Variants in TIAM1 observed in about 807,000 individuals in gnomAD.
TIAM1 encodes the protein TIAM Rac1 associated GEF 1.
TIAM1 carries 65 observed loss-of-function variants against 163.5 expected under a neutral mutation model. The ratio of observed to expected loss-of-function variants is 0.40; its 90% confidence interval spans 0.33 to 0.49. The LOEUF (loss-of-function observed/expected upper bound fraction) is 0.49. Among genes scored for constraint, TIAM1 ranks in the 20% least tolerant of loss-of-function variants. The pLI is 0.77. For missense variants in TIAM1, 1,789 were observed against 2,044.7 expected (o/e 0.87, Z 2.41); for synonymous variants, 833 against 810.1 (o/e 1.03, Z -0.48).
chr21:31,342,883 C>T (rs2076062318), intron 1 of TIAM1, among the ~76,000 whole-genome samples: 2 of 152,198 alleles, frequency 1.3e-5, no homozygotes, highest in Non-Finnish European at 2.9e-5. Context: ...GCTAAGCAAA[C>T]TGCGGCCCCA....
At chr21:31,132,693 G>A (rs564705994) in intron 23 of TIAM1, among the ~76,000 whole-genome samples, 9 of 152,160 alleles carry the variant, frequency 5.9e-5, no homozygotes, top group Non-Finnish European at 1.0e-4. Context: ...GCCTGGCACC[G>A]GGACCTCAGC....
intron 2 of TIAM1, among the ~76,000 whole-genome samples, chr21:31,421,310 G>A (rs966392196): frequency 2.0e-5 from 3 of 152,110 alleles, no homozygotes; most frequent in Non-Finnish European, 4.4e-5. Context: ...AGATTGCTAG[G>A]AGCCACCAGA....
chr21:31,249,371 G>A (rs551567190), intron 5 of TIAM1, among the ~76,000 whole-genome samples: 1 of 152,262 alleles, frequency 6.6e-6, no homozygotes, highest in East Asian at 1.9e-4. Context: ...CCAGGACTGT[G>A]AGATGATACA....
intron 23 of TIAM1, among the ~76,000 whole-genome samples, chr21:31,134,722 G>A (rs982881986): frequency 2.0e-5 from 3 of 152,112 alleles, no homozygotes; most frequent in Admixed American, 6.5e-5. Context: ...TATTAGCCAG[G>A]CTAGTCTTGA....
intron 14 of TIAM1, among the ~76,000 whole-genome samples, chr21:31,185,451 GATT>G (rs1337439163): frequency 2.9e-5 from 4 of 137,916 alleles, no homozygotes; most frequent in African/African-American, 7.9e-5. Flanking sequence ...TTATATTAAC[GATT>G]ATTATATAAT....
chr21:31,275,177 A>G (rs995114728), intron 3 of TIAM1, among the ~76,000 whole-genome samples: 3 of 152,104 alleles, frequency 2.0e-5, no homozygotes, highest in Admixed American at 6.6e-5. Flanking sequence ...ATGCATATAC[A>G]CATGATAAAT....
intron 2 of TIAM1, among the ~76,000 whole-genome samples, chr21:31,420,387 C>A (rs2043524334): frequency 6.6e-6 from 1 of 152,192 alleles, no homozygotes; most frequent in South Asian, 2.1e-4. Flanking sequence ...ACACAAGCTC[C>A]ACAGAAATTC....
intron 13 of TIAM1, among the ~76,000 whole-genome samples, chr21:31,191,065 A>T (rs557833309): frequency 6.6e-6 from 1 of 152,340 alleles, no homozygotes; most frequent in East Asian, 1.9e-4. Context: ...CACCTCTTCA[A>T]TCAATACGCT....
intron 2 of TIAM1, among the ~76,000 whole-genome samples, chr21:31,462,679 A>G (rs911569315): frequency 7.9e-5 from 12 of 151,776 alleles, no homozygotes; most frequent in Admixed American, 4.6e-4. Flanking sequence ...TGAACTGCAT[A>G]TCCACTGGAG....
intron 2 of TIAM1, among the ~76,000 whole-genome samples, chr21:31,291,484 C>T (rs2074017466): frequency 6.6e-6 from 1 of 152,156 alleles, no homozygotes; most frequent in South Asian, 2.1e-4. Context: ...CCAAAATACA[C>T]ACCCTTCCCT....
chr21:31,161,453 T>A (rs1258410617), intron 16 of TIAM1, among the ~76,000 whole-genome samples: 1 of 152,162 alleles, frequency 6.6e-6, no homozygotes, highest in Non-Finnish European at 1.5e-5. Flanking sequence ...GACATTCCCC[T>A]GCCCCTCCCC....
At chr21:31,317,626 G>A (rs564633245) in intron 2 of TIAM1, among the ~76,000 whole-genome samples, 3 of 152,146 alleles carry the variant, frequency 2.0e-5, no homozygotes, top group Admixed American at 6.5e-5. Flanking sequence ...CTATAAACAC[G>A]AAAATCAGCC....
At position 31,130,172 on chromosome 21, in the gene TIAM1, G is replaced by A. The variant is rs751445632; in HGVS notation, c.4045+41C>T. Reference sequence around the variant, plus strand: ...AAACAAATAATTCCTACACACATCAGAAATATGTGTGTGAAATACCCAGCA... The same window carrying A: ...AAACAAATAATTCCTACACACATCAAAAATATGTGTGTGAAATACCCAGCA... On this transcript the variant is annotated intron_variant, in intron 25 of 27. Transcript: ENST00000541036. The A allele has an allele frequency of 2.5e-5, 38 of 1,503,116 alleles. No homozygotes were observed. In the African/African-American group the frequency reaches 3.7e-4, roughly 15 times the overall value. 93.1% of individuals were successfully genotyped at this position (1,503,116 alleles called of 1,614,324 possible).
chr21:31,546,964 G>GT (rs1198199160), intron 1 of TIAM1, among the ~76,000 whole-genome samples: 2 of 152,096 alleles, frequency 1.3e-5, no homozygotes, highest in East Asian at 3.9e-4. Context: ...ATAGTGGGGG[G>GT]GGGCTGGCTC....
intron 1 of TIAM1, among the ~76,000 whole-genome samples, chr21:31,494,962 T>A (rs2046591543): frequency 6.6e-6 from 1 of 152,194 alleles, no homozygotes; most frequent in African/African-American, 2.4e-5. Context: ...GATGTCCTCA[T>A]TCTTCAGGCC....
At chr21:31,337,146 A>G (rs2075866256) in intron 2 of TIAM1, among the ~76,000 whole-genome samples, 1 of 152,142 alleles carries the variant, frequency 6.6e-6, no homozygotes, top group Non-Finnish European at 1.5e-5. Context: ...GAAGTCATGT[A>G]TACGTTTTTG....
At chr21:31,519,305 C>CAAAAAA (rs369132676) in intron 1 of TIAM1, among the ~76,000 whole-genome samples, 1 of 53,118 alleles carries the variant, frequency 1.9e-5, no homozygotes, top group Non-Finnish European at 3.3e-5. Flanking sequence ...AACTCTGTCT[C>CAAAAAA]AAAAAAAAAA....
chr21:31,392,573 A>ATC (rs2076986063), intron 2 of TIAM1, among the ~76,000 whole-genome samples: 1 of 146,030 alleles, frequency 6.8e-6, no homozygotes, highest in South Asian at 2.1e-4. Flanking sequence ...TCTGTCTCAA[A>ATC]AAAAAAAAAA....
At chr21:31,237,256 T>C (rs1054976957) in intron 6 of TIAM1, among the ~76,000 whole-genome samples, 5 of 152,190 alleles carry the variant, frequency 3.3e-5, no homozygotes, top group South Asian at 2.1e-4. Flanking sequence ...ACAAGTCCAC[T>C]TGACACCTCC....
Sources: gnomAD v4.1 joint callset for allele counts (sites outside exome capture counted in the v4.1 genomes callset) on GRCh38, gnomAD v4.1.1 for gene constraint, MANE v1.5 for transcripts, NCBI Gene and HGNC (gene_info 2026-07-23, HGNC 2026-07-21) for gene names.